SHLD2: variants seen among roughly 807,000 people sequenced by gnomAD.
The protein encoded by SHLD2 is shieldin complex subunit 2.
A neutral mutation model predicts 73.2 loss-of-function variants in SHLD2; 30 were observed. The ratio of observed to expected loss-of-function variants is 0.41; its 90% CI spans 0.31 to 0.56. The LOEUF is 0.56. Ranked by LOEUF, SHLD2 falls within the 20% of genes least tolerant of loss-of-function variation. The pLI, the probability that SHLD2 is intolerant of heterozygous loss-of-function variation, is 0.28. For missense variants in SHLD2, 745 were observed against 1,055.9 expected (o/e 0.71, Z 4.08); for synonymous variants, 285 against 370.1 (o/e 0.77, Z 2.64).
upstream of SHLD2, chr10:87,094,804 G>C (rs1841689472): frequency 1.3e-6 from 2 of 1,490,078 alleles, no homozygotes; most frequent in South Asian, 1.2e-5. The surrounding 1 kb of genome is among the most constrained non-coding windows in gnomAD (Gnocchi z 6.6). Flanking sequence ...TGATGGTCGC[G>C]AAACAGGCGC....
chr10:87,094,844 G>A, upstream of SHLD2: 4 of 1,202,480 alleles, frequency 3.3e-6, no homozygotes, highest in Non-Finnish European at 4.6e-6. This position sits in a 1 kb window ranked among gnomAD's most constrained non-coding sequence, Gnocchi z 6.6. Context: ...GACTAGGGAG[G>A]AAGGGTCCCG....
intron 4 of SHLD2, among the ~76,000 whole-genome samples, chr10:87,170,137 A>G (rs573725084): frequency 1.3e-5 from 2 of 152,176 alleles, no homozygotes; most frequent in Non-Finnish European, 2.9e-5. Context: ...TGGGGAACCA[A>G]TTGGCTGTTA....
intron 2 of SHLD2, among the ~76,000 whole-genome samples, chr10:87,119,768 ACT>A (rs1843476570): frequency 1.7e-5 from 2 of 120,718 alleles, no homozygotes; most frequent in African/African-American, 3.9e-5. Context: ...ACAGTGCAAG[ACT>A]CTGTCTCAAA....
chr10:87,094,702 G>A, upstream of SHLD2: 6 of 1,498,916 alleles, frequency 4.0e-6, no homozygotes, highest in African/African-American at 1.5e-5. This position sits in a 1 kb window ranked among gnomAD's most constrained non-coding sequence, Gnocchi z 6.6. Context: ...CGAGTCGGCG[G>A]ACGCCGAGCC....
intron 4 of SHLD2, among the ~76,000 whole-genome samples, chr10:87,162,152 A>G (rs1379020427): frequency 6.6e-6 from 1 of 152,220 alleles, no homozygotes; most frequent in Non-Finnish European, 1.5e-5. Flanking sequence ...AAATAAAATC[A>G]TGCAACAACA....
chr10:87,112,727 A>C (rs1473273171), intron 2 of SHLD2, among the ~76,000 whole-genome samples: 2 of 150,772 alleles, frequency 1.3e-5, no homozygotes, highest in African/African-American at 2.4e-5. Context: ...AAAAAAAAAA[A>C]ACCCAAAAAA....
chr10:87,183,514 T>C (rs570917838), intron 8 of SHLD2, among the ~76,000 whole-genome samples: 168 of 152,338 alleles, frequency 1.1e-3, no homozygotes, highest in Middle Eastern at 0.01. Context: ...ATTTCTTTTA[T>C]TAAAAAACAA....
At chr10:87,155,545 G>A (rs1044012399) in intron 3 of SHLD2, among the ~76,000 whole-genome samples, 24 of 151,786 alleles carry the variant, frequency 1.6e-4, no homozygotes, top group African/African-American at 5.3e-4. Flanking sequence ...AGTTGATTTA[G>A]TATGAGCTTA....
intron 2 of SHLD2, among the ~76,000 whole-genome samples, chr10:87,109,067 G>A (rs4934297): frequency 0.68 from 103,126 of 152,026 alleles, 35,676 homozygotes; most frequent in East Asian, 0.84. Flanking sequence ...TACTGGCCCA[G>A]TGGTGAGTGC....
At chr10:87,148,468 A>G (rs1845777632) in intron 2 of SHLD2, among the ~76,000 whole-genome samples, 1 of 151,484 alleles carries the variant, frequency 6.6e-6, no homozygotes, top group Admixed American at 6.6e-5. Flanking sequence ...ATTGGTTTCC[A>G]TAGTGAAAAC....
rs1426081700 is a variant in SHLD2, at chr10:87,158,198, T to C, written c.1633+43T>C. On this transcript the variant is annotated intron_variant, in intron 4 of 9. Coordinates refer to ENST00000298786, the MANE Select transcript of SHLD2 (RefSeq NM_001330112.2). ...TGAAGTAATGTAGTAGTGTTTAAAG[T>C]ATAAAAACATACTAGGAAAGATTAG... 4.4e-6 allele frequency: 7 copies of C among 1,577,646 alleles called. No homozygotes were observed. In the African/African-American group the frequency reaches 8.1e-5, roughly 18 times the overall value.
chr10:87,188,336 G>T (rs1848757628), intron 9 of SHLD2, among the ~76,000 whole-genome samples: 1 of 152,162 alleles, frequency 6.6e-6, no homozygotes, highest in African/African-American at 2.4e-5. Flanking sequence ...TCCTCCCCCA[G>T]GATGGAGGGG....
chr10:87,131,646 G>A (rs1189917504), intron 2 of SHLD2, among the ~76,000 whole-genome samples: 1 of 151,908 alleles, frequency 6.6e-6, no homozygotes, highest in Admixed American at 6.6e-5. Context: ...GCTTTTTCTG[G>A]CTATTGTAAA....
rs551706011 is a variant in SHLD2 at position 87,176,095 on chromosome 10, G to A, written c.2170G>A (p.Gly724Arg). The A allele has an allele frequency of 2.6e-6, 4 of 1,548,178 alleles. No individual in the cohort carries two copies. Among genetic ancestry groups the A allele is most frequent in the South Asian group, 2.4e-5 (2 of 83,928 alleles). ...AACCCACCTAGAGGATAAGTGTTCA[G>A]GTAAGATCTTTATATACATAAATTC... Reference protein sequence around the residue: ...LATHLEDKCSGVVLIKAQISE... With the variant: ...LATHLEDKCSRVVLIKAQISE... The change falls in exon 7 of 10, where the codon GGA (glycine) becomes AGA (arginine). Residue 724 changes from glycine (G) to arginine (R), a missense_variant and splice_region_variant. Physicochemically the swap from Gly to Arg is moderately radical, Grantham distance 125. Coordinates refer to ENST00000298786, the MANE Select transcript of SHLD2 (RefSeq NM_001330112.2).
intron 6 of SHLD2, among the ~76,000 whole-genome samples, chr10:87,171,820 A>G (rs1421897050): frequency 6.6e-6 from 1 of 152,168 alleles, no homozygotes; most frequent in Middle Eastern, 3.2e-3. Flanking sequence ...TTGGACTTTT[A>G]TGTTAAGATC....
chr10:87,117,294 C>T (rs1843314852), intron 2 of SHLD2, among the ~76,000 whole-genome samples: 2 of 152,126 alleles, frequency 1.3e-5, no homozygotes, highest in South Asian at 4.2e-4. Flanking sequence ...TGGTGCATGC[C>T]TGTAATCCCA....
At chr10:87,148,492 T>C (rs1243616754) in intron 2 of SHLD2, among the ~76,000 whole-genome samples, 2 of 147,752 alleles carry the variant, frequency 1.4e-5, no homozygotes, top group Non-Finnish European at 3.0e-5. Flanking sequence ...TATAGCAAAA[T>C]GGTTGGAGTA....
intron 2 of SHLD2, among the ~76,000 whole-genome samples, chr10:87,127,829 C>T (rs975422047): frequency 1.3e-5 from 2 of 151,786 alleles, no homozygotes; most frequent in Admixed American, 6.6e-5. Context: ...ACTTGACAGA[C>T]CAGGGAGCAG....
chr10:87,150,560 A>G (rs1845938365), intron 2 of SHLD2, among the ~76,000 whole-genome samples: 1 of 151,434 alleles, frequency 6.6e-6, no homozygotes, highest in African/African-American at 2.4e-5. Flanking sequence ...CAGGAGTTTG[A>G]GACCAGCCTG....
Sources: gnomAD v4.1 joint callset for allele counts (sites outside exome capture counted in the v4.1 genomes callset) on GRCh38, gnomAD v4.1.1 for gene constraint, Gnocchi (gnomAD v3.1) non-coding constraint, MANE v1.5 for transcripts, NCBI Gene and HGNC (gene_info 2026-07-23, HGNC 2026-07-21) for gene names.